The following SGCD variants were observed in gnomAD, a reference collection of about 807,000 sequenced individuals.
The protein encoded by SGCD is sarcoglycan delta.
Under a neutral mutation model 36.6 loss-of-function variants are expected in SGCD, and 18 were observed. The ratio of observed to expected loss-of-function variants is 0.49; its 90% CI spans 0.34 to 0.73. The LOEUF is 0.73. Among genes scored for constraint, SGCD ranks in the 30% least tolerant of loss-of-function variants. SGCD has a pLI of 0.01. For missense variants in SGCD, 387 were observed against 346.7 expected, an observed-to-expected ratio of 1.12 and a Z score of -0.92; for synonymous variants, 133 against 130.6, an observed-to-expected ratio of 1.02 and a Z score of -0.12.
chr5:155,986,103 A>G (rs1394221825), intron 1 of SGCD, among the ~76,000 whole-genome samples: 3 of 152,222 alleles, frequency 2.0e-5, no homozygotes, highest in Admixed American at 6.5e-5. Context: ...TCATTAATGC[A>G]TAATTAATTA....
chr5:156,247,468 G>A (rs1254378576), intron 3 of SGCD, among the ~76,000 whole-genome samples: 1 of 152,160 alleles, frequency 6.6e-6, no homozygotes, highest in Admixed American at 6.5e-5. Context: ...GAAGAATGTA[G>A]GGAAACCAGG....
intron 6 of SGCD, among the ~76,000 whole-genome samples, chr5:156,644,456 T>A (rs756315615): frequency 6.6e-6 from 1 of 152,146 alleles, no homozygotes; most frequent in Non-Finnish European, 1.5e-5. Flanking sequence ...ATTTTTGCTC[T>A]CTGCCATTTT....
chr5:155,733,456 T>G, the SGCD span, among the ~76,000 whole-genome samples: 2 of 152,240 alleles, frequency 1.3e-5, no homozygotes, highest in African/African-American at 4.8e-5. Flanking sequence ...AATTTATCTT[T>G]TTGAATATTT....
intron 7 of SGCD, among the ~76,000 whole-genome samples, chr5:156,753,333 G>A (rs1581532304): frequency 1.3e-5 from 2 of 152,166 alleles, no homozygotes; most frequent in African/African-American, 2.4e-5. Context: ...TTCTCCTAAT[G>A]GAAGTAGTGT....
At chr5:156,453,330 T>C (rs919746296) in intron 3 of SGCD, among the ~76,000 whole-genome samples, 3 of 152,144 alleles carry the variant, frequency 2.0e-5, no homozygotes, top group Non-Finnish European at 4.4e-5. Flanking sequence ...TATTATAAGG[T>C]TCAGTTACAG....
At chr5:156,073,012 T>C (rs1457157033) in intron 1 of SGCD, among the ~76,000 whole-genome samples, 1 of 152,184 alleles carries the variant, frequency 6.6e-6, no homozygotes, top group Non-Finnish European at 1.5e-5. Flanking sequence ...CTCTATTGGT[T>C]ATTCTAGTTA....
At chr5:155,823,062 ATATC>A in the SGCD span, among the ~76,000 whole-genome samples, 25,070 of 145,058 alleles carry the variant, frequency 0.17, 2,197 homozygotes, top group East Asian at 0.25. Flanking sequence ...CTATATCTCT[ATATC>A]TATCTATCTA....
At chr5:156,616,111 CTCTT>C (rs10611348) in intron 6 of SGCD, among the ~76,000 whole-genome samples, 8,672 of 152,238 alleles carry the variant, frequency 0.057, 566 homozygotes, top group East Asian at 0.21. Context: ...TAGTCTCTCT[CTCTT>C]TCTTTTAATC....
chr5:156,084,643 T>C (rs1033727236), intron 1 of SGCD, among the ~76,000 whole-genome samples: 1 of 152,198 alleles, frequency 6.6e-6, no homozygotes, highest in Non-Finnish European at 1.5e-5. Context: ...CCTCTGTAAA[T>C]AGAGACAGTA....
the SGCD span, among the ~76,000 whole-genome samples, chr5:155,850,797 G>A: frequency 6.6e-6 from 1 of 152,102 alleles, no homozygotes; most frequent in Non-Finnish European, 1.5e-5. Flanking sequence ...GCTATGTCAG[G>A]GACATTCTGG....
chr5:155,851,441 C>T, the SGCD span, among the ~76,000 whole-genome samples: 7 of 152,168 alleles, frequency 4.6e-5, no homozygotes, highest in East Asian at 7.7e-4. Flanking sequence ...CTGGCTGCCT[C>T]GAGCAACTCA....
chr5:155,983,374 A>G (rs1330722007), intron 1 of SGCD, among the ~76,000 whole-genome samples: 2 of 152,152 alleles, frequency 1.3e-5, no homozygotes, highest in African/African-American at 4.8e-5. Flanking sequence ...ATCTCGGCTC[A>G]CTGCAACCTC....
rs1054319786 is a variant in SGCD at position 156,054,362 on chromosome 5, G to T, written c.-281-63516G>T. Among the ~76,000 whole-genome samples the T allele has an allele frequency of 2.9e-5, 4 of 139,064 alleles. No homozygotes were observed. The Middle Eastern group carries it at 0.012, about 414-fold the overall frequency. 91.2% of individuals were successfully genotyped at this position (139,064 alleles called of 152,430 possible). ...GTGCAGTGGCGCGATCTCGGCTCAC[G>T]GCAAGCTCCGCCTCCCGGGTTCACG... On this transcript the variant is annotated intron_variant, in intron 1 of 9. Transcript: ENST00000517913.
intron 3 of SGCD, among the ~76,000 whole-genome samples, chr5:156,481,277 G>A (rs1021521058): frequency 2.6e-5 from 4 of 152,160 alleles, no homozygotes; most frequent in Non-Finnish European, 5.9e-5. Flanking sequence ...AAAGTTGGGG[G>A]ATGGTAGAGG....
At position 156,583,527 on chromosome 5, in the gene SGCD, T is replaced by C. The variant is rs143129693; in HGVS notation, c.295-5704T>C. 1.2e-3 allele frequency among the ~76,000 whole-genome samples: 184 copies of C among 152,332 alleles called. 1 individual carries two copies. Among genetic ancestry groups the C allele is most frequent in the Middle Eastern group, 6.8e-3 (2 of 294 alleles). ...CAATAATCTCCCACCTGGCCACTCA[T>C]ATCATGTACTCCTCTTTCTAGCAGA... On this transcript the variant is annotated intron_variant, in intron 4 of 8. Transcript: ENST00000337851.
chr5:156,099,646 C>G (rs1031838068), intron 1 of SGCD, among the ~76,000 whole-genome samples: 1 of 152,120 alleles, frequency 6.6e-6, no homozygotes, highest in African/African-American at 2.4e-5. Flanking sequence ...AACTCCTGAC[C>G]TCAAATGATC....
At chr5:156,083,437 G>A (rs1209889706) in intron 1 of SGCD, among the ~76,000 whole-genome samples, 1 of 151,868 alleles carries the variant, frequency 6.6e-6, no homozygotes, top group Non-Finnish European at 1.5e-5. Context: ...TGGGATTACA[G>A]GCATGCGCCA....
chr5:155,910,466 G>A (rs914091060), intron 1 of SGCD, among the ~76,000 whole-genome samples: 2 of 152,004 alleles, frequency 1.3e-5, no homozygotes, highest in African/African-American at 2.4e-5. Context: ...GCCAGTCCTG[G>A]GCTTTGGTCC....
At chr5:155,931,470 A>T (rs1361810682) in intron 1 of SGCD, among the ~76,000 whole-genome samples, 4 of 152,186 alleles carry the variant, frequency 2.6e-5, no homozygotes, top group African/African-American at 9.6e-5. Context: ...AATCCTTTGC[A>T]GTTATCTTCA....
Sources: allele counts gnomAD v4.1 joint callset (sites outside exome capture counted in the v4.1 genomes callset), GRCh38; gene constraint gnomAD v4.1.1; transcripts MANE v1.5; gene names NCBI Gene and HGNC (gene_info 2026-07-23, HGNC 2026-07-21).